ZMAT2: variants seen among roughly 807,000 people sequenced by gnomAD.
ZMAT2 encodes the protein zinc finger matrin-type 2, also known as zinc finger matrin-type protein 2.
A neutral mutation model predicts 27.5 loss-of-function variants in ZMAT2; 5 were observed. The observed-to-expected ratio is 0.18, with a 90% CI of 0.10 to 0.38. The LOEUF is 0.38. Ranked by LOEUF, ZMAT2 falls within the 10% of genes least tolerant of loss-of-function variation. ZMAT2 has a pLI of 1.00. For synonymous variants in ZMAT2, 76 were observed against 78.6 expected, an observed-to-expected ratio of 0.97 and a Z score of 0.17; for missense variants, 124 against 243.9, an observed-to-expected ratio of 0.51 and a Z score of 3.27.
chr5:140,701,261 C>A (rs951488577), intron 2 of ZMAT2, among the ~76,000 whole-genome samples: 8 of 152,168 alleles, frequency 5.3e-5, no homozygotes, highest in African/African-American at 1.9e-4. Context: ...AGTGACCCCC[C>A]TCTTTCCCTT....
At chr5:140,701,027 C>A in intron 2 of ZMAT2, 115 bp downstream of exon 2, 1 of 990,888 alleles carries the variant, frequency 1.0e-6, no homozygotes, top group Non-Finnish European at 1.5e-6. Context: ...TGGCAGAGTG[C>A]TGCTTCCCTG....
At position 140,703,885 on chromosome 5, in the gene ZMAT2, A is replaced by G. The variant is rs545879916; in HGVS notation, c.237-33A>G. 1.9e-5 allele frequency: 31 copies of G among 1,599,062 alleles called. No individual in the cohort carries two copies. The South Asian group carries it at 2.4e-4, about 13-fold the overall frequency. ...TGAAAATGATAAGATCCTTAAAACC[A>G]TATTTGACTCAGGTGCTGTTTCTTC... On this transcript the variant is annotated intron_variant, in intron 3 of 5. Coordinates refer to ENST00000274712, the MANE Select transcript of ZMAT2 (RefSeq NM_144723.3).
intron 2 of ZMAT2, among the ~76,000 whole-genome samples, 191 bp from the exon 3 acceptor site, chr5:140,701,815 G>A (rs958424018): frequency 6.6e-6 from 1 of 152,206 alleles, no homozygotes; most frequent in Non-Finnish European, 1.5e-5. Context: ...AAAAGCTGTA[G>A]AGTTGAGGAT....
Position 140,703,918 on chromosome 5 carries a change from A to G in ZMAT2, c.237A>G (p.Gly79=). The part of the protein sequence containing the change: ...TKTTPQSEMG[G]YYCNVCDCVV... ...CTCAGGTGCTGTTTCTTCCTGTTAG[A>G]TATTACTGCAATGTCTGTGACTGTG... Residue 79 remains glycine (G), a splice_region_variant and synonymous_variant, in exon 4 of 6, where the codon GGA becomes GGG. Transcript: ENST00000274712. 1 of 1,614,010 alleles carries G rather than the reference A, an allele frequency of 6.2e-7. No homozygotes were observed. Among genetic ancestry groups the G allele is most frequent in the South Asian group, 1.1e-5 (1 of 91,086 alleles).
chr5:140,706,061 A>C lies in ZMAT2; in HGVS notation c.*305A>C. 1 of 305,004 alleles carries C rather than the reference A, an allele frequency of 3.3e-6. No individual in the cohort carries two copies. Among genetic ancestry groups the C allele is most frequent in the Non-Finnish European group, 6.1e-6 (1 of 165,244 alleles). 18.9% of individuals were successfully genotyped at this position (305,004 alleles called of 1,614,324 possible). A position where few individuals can be genotyped will look rare whatever the true frequency, so the allele number is the denominator to read the frequency against. On this transcript the variant is annotated 3_prime_UTR_variant, in exon 6 of 6. Coordinates refer to ENST00000274712, the MANE Select transcript of ZMAT2 (RefSeq NM_144723.3). ...GCTGCTTTCCCAAAACTCCCCCTGC[A>C]TCTTTATCTCTTCATCTATCCCACC...
At chr5:140,704,044 G>A (rs1432794741) in intron 4 of ZMAT2, 53 bp downstream of exon 4, 49 of 1,523,496 alleles carry the variant, frequency 3.2e-5, no homozygotes, top group Non-Finnish European at 4.3e-5. Context: ...TTTGGAGGTG[G>A]GGTGGAATGG....
Position 140,705,870 on chromosome 5 carries a change from A to G in ZMAT2, c.*114A>G, listed in dbSNP as rs1760048815. On this transcript the variant is annotated 3_prime_UTR_variant, in exon 6 of 6. Coordinates refer to ENST00000274712, the MANE Select transcript of ZMAT2 (RefSeq NM_144723.3). ...AATGGGAAAGTTCTTAAGAGTGTCA[A>G]TGGGGAGGGATAGAGGGTGGGGGCT... 1.1e-5 allele frequency: 15 copies of G among 1,366,122 alleles called. No homozygotes were observed. The highest frequency in any genetic ancestry group is 2.3e-5 in the East Asian group (1 of 42,758). 84.6% of individuals were successfully genotyped at this position (1,366,122 alleles called of 1,614,324 possible).
In ZMAT2 at chr5:140,705,808, G is replaced by A. The variant is rs749630647; in HGVS notation, c.*52G>A. 5 of 1,590,732 alleles carry A rather than the reference G, an allele frequency of 3.1e-6. No individual in the cohort carries two copies. The highest frequency in any genetic ancestry group is 4.3e-6 in the Non-Finnish European group (5 of 1,168,662). ...GCCTATGCTGGACCTAACTTTGCGT[G>A]TGTGTGTGTGTAGTAGGGGGTCATT... is the stretch of plus-strand genomic sequence containing the variant. On this transcript the variant is annotated 3_prime_UTR_variant, in exon 6 of 6. Transcript: ENST00000274712.
At chr5:140,700,706 G>C in intron 1 of ZMAT2, 113 bp from the exon 2 acceptor site, 1 of 1,349,986 alleles carries the variant, frequency 7.4e-7, no homozygotes. Context: ...ACAGTCCAAA[G>C]AGGCTTTGCT....
In ZMAT2 at chr5:140,705,734, G is replaced by A; in HGVS notation, c.578G>A (p.Gly193Asp). The change falls in exon 6 of 6, where the codon GGT becomes GAT. Residue 193 changes from glycine to aspartate, a missense_variant. By Grantham distance (94) the Gly-to-Asp change is moderately conservative. This residue lies in a region of ZMAT2 where 53 missense variants were observed against 82.3 expected (regional missense o/e 0.64). Coordinates refer to ENST00000274712, the MANE Select transcript of ZMAT2 (RefSeq NM_144723.3). Reference protein sequence around the residue: ...MAAVMGFSGFGSTKKSY With the variant: ...MAAVMGFSGFDSTKKSY ...GCTGTGATGGGCTTCTCTGGCTTTG[G>A]TTCCACCAAGAAGAGTTACTGAGGC... The A allele has an allele frequency of 1.2e-6, 2 of 1,614,040 alleles. No individual in the cohort carries two copies. Among genetic ancestry groups the A allele is most frequent in the Non-Finnish European group, 1.7e-6 (2 of 1,179,970 alleles).
In ZMAT2 at chr5:140,706,009, C is replaced by A; in HGVS notation, c.*253C>A. On this transcript the variant is annotated 3_prime_UTR_variant, in exon 6 of 6. Coordinates refer to ENST00000274712, the MANE Select transcript of ZMAT2 (RefSeq NM_144723.3). ...ACAGGACCCTGCCCACCTGAGTTCC[C>A]AATAAAGAAAAACCTCCCCTTCTGA... is the stretch of plus-strand genomic sequence containing the variant. 1 of 405,616 alleles carries A rather than the reference C, an allele frequency of 2.5e-6. No individual in the cohort carries two copies. The allele number at this position is 405,616 out of a possible 1,614,324, so 25.1% of individuals were successfully genotyped here. A position where few individuals can be genotyped will look rare whatever the true frequency, so the allele number is the denominator to read the frequency against.
rs540169014 is a variant in ZMAT2, at chr5:140,705,893, G to C, written c.*137G>C. ...CAATGGGGAGGGATAGAGGGTGGGG[G>C]CTCATGGTTTCCCTCTACTTTGGGA... On this transcript the variant is annotated 3_prime_UTR_variant, in exon 6 of 6. Coordinates refer to ENST00000274712, the MANE Select transcript of ZMAT2 (RefSeq NM_144723.3). 8.7e-5 allele frequency: 98 copies of C among 1,126,026 alleles called. No homozygotes were observed. The highest frequency in any genetic ancestry group is 1.2e-4 in the Non-Finnish European group (95 of 812,782). The allele number at this position is 1,126,026 out of a possible 1,614,324, so 69.8% of individuals were successfully genotyped here. A position where few individuals can be genotyped will look rare whatever the true frequency, so the allele number is the denominator to read the frequency against.
intron 4 of ZMAT2, 78 bp from the exon 5 acceptor site, chr5:140,704,348 G>C: frequency 6.6e-7 from 1 of 1,521,348 alleles, no homozygotes; most frequent in Non-Finnish European, 8.8e-7. Context: ...TGAGATGTCA[G>C]AGAAGTCAGG....
intron 2 of ZMAT2, among the ~76,000 whole-genome samples, chr5:140,701,571 T>G (rs915944927): frequency 6.6e-6 from 1 of 152,240 alleles, no homozygotes; most frequent in Non-Finnish European, 1.5e-5. Context: ...TAAATAGTGC[T>G]TGACATGTAA....
intron 5 of ZMAT2, 103 bp from the exon 6 acceptor site, chr5:140,705,510 A>T: frequency 7.2e-7 from 1 of 1,379,576 alleles, no homozygotes; most frequent in Non-Finnish European, 9.7e-7. Flanking sequence ...AAGTACTCAG[A>T]GCAATTTCTG....
intron 1 of ZMAT2, 44 bp downstream of exon 1, chr5:140,700,522 G>A: frequency 3.1e-6 from 5 of 1,612,152 alleles, no homozygotes; most frequent in South Asian, 1.1e-5. Flanking sequence ...GGTGGGGAAT[G>A]GTTTTTCAGA....
At position 140,702,014 on chromosome 5, in the gene ZMAT2, G is replaced by C; in HGVS notation, c.121G>C (p.Val41Leu). The change falls in exon 3 of 6, where the codon GTG becomes CTG. Residue 41 changes from valine to leucine, a missense_variant. Val to Leu is a conservative substitution (Grantham distance 32, BLOSUM62 1). Around this residue, in one of 5 missense-constraint regions of ZMAT2, gnomAD observed 34 missense variants for 50.8 expected, o/e 0.67. Transcript: ENST00000274712. ...EEREKKDGKP[V>L]QPVKRELLRH... ...TCCCCATTATGTTTCAGGAAAACCA[G>C]TGCAGCCTGTCAAGCGAGAGCTTTT... 2 of 1,611,408 alleles carry C rather than the reference G, an allele frequency of 1.2e-6. No homozygotes were observed. Among genetic ancestry groups the C allele is most frequent in the Non-Finnish European group, 1.7e-6 (2 of 1,178,760 alleles).
At chr5:140,703,461 C>T (rs1180792429) in intron 3 of ZMAT2, among the ~76,000 whole-genome samples, 5 of 151,794 alleles carry the variant, frequency 3.3e-5, no homozygotes, top group Admixed American at 6.6e-5. Context: ...CTCGAACTCC[C>T]GACCTCAGGT....
chr5:140,705,207 A>G (rs1008226787), intron 5 of ZMAT2, among the ~76,000 whole-genome samples: 2 of 152,216 alleles, frequency 1.3e-5, no homozygotes, highest in Admixed American at 1.3e-4. Context: ...ATTTTTTTAA[A>G]AGACTAAACT....
Sources: allele counts gnomAD v4.1 joint callset (sites outside exome capture counted in the v4.1 genomes callset), GRCh38; gene constraint gnomAD v4.1.1; regional missense constraint gnomAD v4.1.1; transcripts MANE v1.5; gene names NCBI Gene and HGNC (gene_info 2026-07-23, HGNC 2026-07-21).